Variants in WWTR1 observed in about 807,000 individuals in gnomAD.
WWTR1 encodes WW domain-containing transcription regulator protein 1.
A neutral mutation model predicts 40.1 loss-of-function variants in WWTR1; 13 were observed. That is an observed-to-expected ratio of 0.32 (90% CI 0.21 to 0.52). The LOEUF is 0.52. WWTR1 is among the 20% of genes least tolerant of loss of function. WWTR1 has a pLI of 0.97. For synonymous variants in WWTR1, 230 were observed against 210.1 expected (o/e 1.09, Z -0.82); for missense variants, 436 against 523.1 (o/e 0.83, Z 1.63).
intron 4 of WWTR1, among the ~76,000 whole-genome samples, chr3:149,532,075 T>G (rs940807741): frequency 6.6e-6 from 1 of 152,180 alleles, no homozygotes; most frequent in Admixed American, 6.5e-5. Context: ...GGAAACCTGG[T>G]CCTGCTATCT....
At chr3:149,666,474 C>T (rs1435224699) in intron 2 of WWTR1, among the ~76,000 whole-genome samples, 1 of 152,156 alleles carries the variant, frequency 6.6e-6, no homozygotes, top group African/African-American at 2.4e-5. Context: ...ACAGCATCTG[C>T]CACACAATAC....
intron 1 of WWTR1, among the ~76,000 whole-genome samples, chr3:149,685,096 C>T (rs762376262): frequency 9.9e-5 from 15 of 152,170 alleles, no homozygotes. Flanking sequence ...TCGCTATTCC[C>T]ATATCCCCTT....
At chr3:149,722,351 C>G (rs566671032) in intron 4 of WWTR1, among the ~76,000 whole-genome samples, 1 of 151,364 alleles carries the variant, frequency 6.6e-6, no homozygotes, top group African/African-American at 2.4e-5. Flanking sequence ...TGATTTAAGA[C>G]ATTTATTGTT....
chr3:149,552,998 T>C (rs2043550), intron 3 of WWTR1, among the ~76,000 whole-genome samples: 10,963 of 152,222 alleles, frequency 0.072, 1,058 homozygotes, highest in East Asian at 0.44. Flanking sequence ...TTAAAACACA[T>C]TGAACAGGGC....
rs1714163047 is a variant in WWTR1, at chr3:149,673,554, C to T, written c.-107-3663G>A. Among the ~76,000 whole-genome samples, 7 of 152,324 alleles carry T rather than the reference C, an allele frequency of 4.6e-5. No homozygotes were observed. The East Asian group carries it at 7.7e-4, about 17-fold the overall frequency. Reference sequence around the variant, plus strand: ...ATTTGGTATGTGCTTGGTATGGATGCATCACTCAGCCCTGAATCAGCATCA... The same window carrying T: ...ATTTGGTATGTGCTTGGTATGGATGTATCACTCAGCCCTGAATCAGCATCA... On this transcript the variant is annotated intron_variant, in intron 1 of 7. Transcript: ENST00000465804.
chr3:149,722,094 C>G (rs1715769393), intron 4 of WWTR1, among the ~76,000 whole-genome samples: 1 of 152,048 alleles, frequency 6.6e-6, no homozygotes, highest in Non-Finnish European at 1.5e-5. Context: ...ACTTTAATTT[C>G]TGATTTTAAT....
chr3:149,670,937 G>C (rs1360059256), intron 1 of WWTR1: 1 of 152,174 alleles, frequency 6.6e-6, no homozygotes, highest in African/African-American at 2.4e-5. Context: ...AACTCAGTTT[G>C]TGGCTGGTTA....
chr3:149,688,548 G>A (rs1714722909), intron 1 of WWTR1, among the ~76,000 whole-genome samples: 1 of 152,208 alleles, frequency 6.6e-6, no homozygotes, highest in Non-Finnish European at 1.5e-5. Context: ...CTACAAGTCT[G>A]CAAGAGTCAT....
chr3:149,665,808 G>C (rs117903811), intron 2 of WWTR1, among the ~76,000 whole-genome samples: 2,101 of 152,168 alleles, frequency 0.014, 32 homozygotes, highest in East Asian at 0.063. Context: ...ATTTCTCTTT[G>C]TGTGCTTATA....
rs527913437 is a variant in WWTR1 at position 149,664,825 on chromosome 3, G to A, written c.-4+4963C>T. Among the ~76,000 whole-genome samples the A allele has an allele frequency of 7.9e-5, 12 of 152,232 alleles. No individual in the cohort carries two copies. In the East Asian group the frequency reaches 1.9e-3, roughly 25 times the overall value. ...TGGTCTCGAACTCCTGATCTCAGGT[G>A]TGATCCACCCACCTTGGCTTCTCAA... On this transcript the variant is annotated intron_variant, in intron 2 of 7. Transcript: ENST00000465804.
intron 2 of WWTR1, among the ~76,000 whole-genome samples, chr3:149,665,755 G>A (rs1713789574): frequency 6.6e-6 from 1 of 152,062 alleles, no homozygotes; most frequent in Non-Finnish European, 1.5e-5. Context: ...ATAAAAAGAT[G>A]CTAAAATTAT....
chr3:149,535,883 C>T (rs1482077091), intron 4 of WWTR1, among the ~76,000 whole-genome samples: 1 of 152,020 alleles, frequency 6.6e-6, no homozygotes, highest in Admixed American at 6.6e-5. Context: ...CGTGATGATG[C>T]GCACCTGTAA....
chr3:149,651,981 A>C (rs1576623468), intron 2 of WWTR1, among the ~76,000 whole-genome samples: 2 of 134,386 alleles, frequency 1.5e-5, no homozygotes, highest in Admixed American at 7.8e-5. Context: ...GCCCGCTGCC[A>C]CGCCCGGCTA....
chr3:149,536,435 C>T (rs1051193254), intron 4 of WWTR1, among the ~76,000 whole-genome samples: 3 of 151,970 alleles, frequency 2.0e-5, no homozygotes, highest in East Asian at 3.9e-4. Flanking sequence ...CAATACGACA[C>T]TCTCCTAGCT....
rs147114367 is a variant in WWTR1 at position 149,621,252 on chromosome 3, A to T, written c.431+35624T>A. ...TGTTTTTAAACTTTTCAAGTTTCTT[A>T]AATTTGCTTCTTTGCTGTCTGCTTT... On this transcript the variant is annotated intron_variant, in intron 2 of 6. Coordinates refer to ENST00000360632, the MANE Select transcript of WWTR1 (RefSeq NM_015472.6). Among the ~76,000 whole-genome samples, 78 of 152,358 alleles carry T rather than the reference A, an allele frequency of 5.1e-4. 1 individual carries two copies. In the East Asian group the frequency reaches 0.013, roughly 25 times the overall value.
chr3:149,672,275 C>T (rs763921148), intron 1 of WWTR1, among the ~76,000 whole-genome samples: 1 of 152,158 alleles, frequency 6.6e-6, no homozygotes, highest in African/African-American at 2.4e-5. Context: ...ATTCTCAATT[C>T]GTGTAGCTGG....
At chr3:149,552,368 TA>T (rs930266377) in intron 3 of WWTR1, among the ~76,000 whole-genome samples, 1 of 152,176 alleles carries the variant, frequency 6.6e-6, no homozygotes, top group Non-Finnish European at 1.5e-5. Context: ...TAAGGGAGGT[TA>T]GAAATTGGTA....
At chr3:149,597,432 CAAAA>C (rs1253950023) in intron 2 of WWTR1, among the ~76,000 whole-genome samples, 1 of 51,852 alleles carries the variant, frequency 1.9e-5, no homozygotes, top group South Asian at 7.6e-4. Flanking sequence ...CCCAGCTCTA[CAAAA>C]AAAAAAAAAA....
At chr3:149,567,512 C>G (rs1363791699) in intron 3 of WWTR1, among the ~76,000 whole-genome samples, 1 of 152,084 alleles carries the variant, frequency 6.6e-6, no homozygotes, top group Admixed American at 6.5e-5. Flanking sequence ...AGCAAAAGTG[C>G]CCAAACAAAT....
Sources: gnomAD v4.1 joint callset for allele counts (sites outside exome capture counted in the v4.1 genomes callset) on GRCh38, gnomAD v4.1.1 for gene constraint, MANE v1.5 for transcripts, NCBI Gene and HGNC (gene_info 2026-07-23, HGNC 2026-07-21) for gene names.